Variants in BMPER observed in about 807,000 individuals in gnomAD.
BMPER encodes the protein BMP-binding endothelial regulator protein.
BMPER carries 45 observed loss-of-function variants against 87.3 expected under a neutral mutation model. The ratio of observed to expected loss-of-function variants is 0.52; its 90% CI spans 0.41 to 0.66. The LOEUF (loss-of-function observed/expected upper bound fraction) is 0.66. Ranked by LOEUF, BMPER falls within the 30% of genes least tolerant of loss-of-function variation. The pLI, the probability that BMPER is intolerant of heterozygous loss-of-function variation, is 0.00. For synonymous variants in BMPER, 326 were observed against 316.2 expected (o/e 1.03, Z -0.33); for missense variants, 784 against 867.5 (o/e 0.90, Z 1.21).
At chr7:34,074,409 G>T (rs76670004) in intron 11 of BMPER, among the ~76,000 whole-genome samples, 2 of 152,218 alleles carry the variant, frequency 1.3e-5, no homozygotes, top group African/African-American at 2.4e-5. Flanking sequence ...AGTTCGGGTC[G>T]TTCTGGGTTG....
chr7:34,017,438 A>C (rs899846388), intron 6 of BMPER, among the ~76,000 whole-genome samples: 3 of 151,852 alleles, frequency 2.0e-5, no homozygotes, highest in Non-Finnish European at 2.9e-5. Context: ...GGGAGCTCCC[A>C]TTTATAAAAC....
chr7:34,123,599 A>C (rs1216808691), intron 13 of BMPER, among the ~76,000 whole-genome samples: 1 of 152,140 alleles, frequency 6.6e-6, no homozygotes, highest in Non-Finnish European at 1.5e-5. Flanking sequence ...GTCTTCTTTC[A>C]CGTCTGAACT....
intron 6 of BMPER, among the ~76,000 whole-genome samples, chr7:34,003,822 C>G (rs1289756135): frequency 2.0e-5 from 3 of 151,932 alleles, no homozygotes; most frequent in African/African-American, 7.2e-5. Context: ...AGTTATTTTT[C>G]TCTTGCTGCT....
chr7:33,965,355 T>G (rs530755353), intron 3 of BMPER, among the ~76,000 whole-genome samples: 21 of 152,206 alleles, frequency 1.4e-4, no homozygotes, highest in Non-Finnish European at 2.4e-4. Flanking sequence ...GAATTTTTTC[T>G]AAGTCCTTTG....
chr7:33,966,713 T>C (rs1357487616), intron 4 of BMPER, 152 bp downstream of exon 4: 1 of 723,348 alleles, frequency 1.4e-6, no homozygotes, highest in Non-Finnish European at 2.4e-6. Flanking sequence ...GTGTACTTAC[T>C]GTGTCACCAT....
Position 34,086,256 on chromosome 7 carries a change from A to G in BMPER, c.1745+164A>G, listed in dbSNP as rs926719557. On this transcript the variant is annotated intron_variant, in intron 13 of 14. Coordinates refer to ENST00000649409, the MANE Select transcript of BMPER (RefSeq NM_001365308.1). The stretch of plus-strand genomic sequence containing the variant: ...GCTGATCTCATCTTGAGTCAGCCCC[A>G]TTCTAGGTCCCAAATTGGGAAATTC... Among the ~76,000 whole-genome samples the G allele has an allele frequency of 2.0e-5, 3 of 152,324 alleles. No homozygotes were observed. In the East Asian group the frequency reaches 5.8e-4, roughly 29 times the overall value.
chr7:34,063,060 GTCC>G (rs1282965393), intron 11 of BMPER, among the ~76,000 whole-genome samples: 1 of 152,178 alleles, frequency 6.6e-6, no homozygotes, highest in Non-Finnish European at 1.5e-5. Flanking sequence ...TGCCATTTTA[GTCC>G]TCCTGAAATT....
At chr7:33,914,258 C>G (rs997239823) in intron 2 of BMPER, among the ~76,000 whole-genome samples, 1 of 152,192 alleles carries the variant, frequency 6.6e-6, no homozygotes, top group African/African-American at 2.4e-5. Context: ...AGCCACCGCG[C>G]CCGGCCTTCA....
At chr7:34,016,610 A>G (rs895911535) in intron 6 of BMPER, among the ~76,000 whole-genome samples, 1 of 151,984 alleles carries the variant, frequency 6.6e-6, no homozygotes, top group Non-Finnish European at 1.5e-5. Flanking sequence ...GTTTGAACCA[A>G]TACTTGAATT....
At chr7:34,127,210 G>A (rs1416356187) in intron 13 of BMPER, among the ~76,000 whole-genome samples, 1 of 152,136 alleles carries the variant, frequency 6.6e-6, no homozygotes, top group Non-Finnish European at 1.5e-5. Flanking sequence ...TGTCAGTAGG[G>A]ATGTCCAAGT....
At chr7:34,060,610 C>A (rs1788411285) in intron 10 of BMPER, among the ~76,000 whole-genome samples, 1 of 152,200 alleles carries the variant, frequency 6.6e-6, no homozygotes, top group Non-Finnish European at 1.5e-5. Context: ...TAAAGATCTT[C>A]AATAATTAAC....
chr7:34,069,156 GA>G (rs1456997966), intron 11 of BMPER, among the ~76,000 whole-genome samples: 1 of 152,166 alleles, frequency 6.6e-6, no homozygotes, highest in Non-Finnish European at 1.5e-5. Flanking sequence ...ATCCAGTTTT[GA>G]CTGAGGGTAT....
chr7:33,914,043 G>A (rs1003398268), intron 2 of BMPER, among the ~76,000 whole-genome samples: 1 of 149,856 alleles, frequency 6.7e-6, no homozygotes, highest in East Asian at 2.0e-4. Context: ...CTCACTGCAA[G>A]CTCCGCCTCC....
At chr7:34,075,635 A>T (rs116658299) in intron 11 of BMPER, among the ~76,000 whole-genome samples, 3,003 of 152,242 alleles carry the variant, frequency 0.02, 93 homozygotes, top group African/African-American at 0.067. Flanking sequence ...AGGATGGTCT[A>T]TTTCTGTAGC....
intron 10 of BMPER, among the ~76,000 whole-genome samples, chr7:34,060,740 G>C (rs1482827189): frequency 6.6e-6 from 1 of 152,202 alleles, no homozygotes; most frequent in Admixed American, 6.5e-5. Context: ...TTTGACATGA[G>C]CCTTGGCAAC....
chr7:34,113,136 A>G (rs902864809), intron 13 of BMPER, among the ~76,000 whole-genome samples: 1 of 152,026 alleles, frequency 6.6e-6, no homozygotes, highest in Non-Finnish European at 1.5e-5. Context: ...TAAAAAACTC[A>G]AAAAGAAATT....
chr7:34,053,722 C>T (rs538477538), intron 8 of BMPER, among the ~76,000 whole-genome samples: 12 of 151,872 alleles, frequency 7.9e-5, no homozygotes, highest in Non-Finnish European at 1.5e-4. Context: ...TTGAGTAAGC[C>T]GAAGAGGAGG....
chr7:34,113,657 G>T (rs991998375), intron 13 of BMPER, among the ~76,000 whole-genome samples: 1 of 151,962 alleles, frequency 6.6e-6, no homozygotes, highest in Non-Finnish European at 1.5e-5. Context: ...CATAGATTAA[G>T]TTCTTCATCA....
At position 34,085,788 on chromosome 7, in the gene BMPER, G is replaced by T. The variant is rs1287354888; in HGVS notation, c.1441G>T (p.Val481Leu). The T allele has an allele frequency of 1.2e-6, 2 of 1,614,064 alleles. No individual in the cohort carries two copies. Among genetic ancestry groups the T allele is most frequent in the East Asian group, 2.2e-5 (1 of 44,892 alleles). Residue 481 changes from valine to leucine, a missense_variant, in exon 13 of 15, where the codon GTA becomes TTA. Transcript: ENST00000649409. ...AATATCTTGGGATGGAGACAGTTTTGTAGAAGTCATGGCTGCGCCGCATCT... is the reference window on the plus strand; with the variant it reads ...AATATCTTGGGATGGAGACAGTTTTTTAGAAGTCATGGCTGCGCCGCATCT... ...LEISWDGDSF[V>L]EVMAAPHLKG...
Sources: gnomAD v4.1 joint callset for allele counts (sites outside exome capture counted in the v4.1 genomes callset) on GRCh38, gnomAD v4.1.1 for gene constraint, MANE v1.5 for transcripts, NCBI Gene and HGNC (gene_info 2026-07-23, HGNC 2026-07-21) for gene names.